Variants in MAF observed in about 807,000 individuals in gnomAD.
MAF encodes MAF bZIP transcription factor.
MAF carries 10 observed loss-of-function variants against 22.0 expected under a neutral mutation model. That is an observed-to-expected ratio of 0.45 (90% confidence interval 0.28 to 0.77). The LOEUF is 0.77. Among genes scored for constraint, MAF ranks in the 30% least tolerant of loss-of-function variants. The probability of loss-of-function intolerance (pLI) is 0.12; values close to 1 mark genes in which losing one functional copy is unlikely to be tolerated. For synonymous variants in MAF, 337 were observed against 255.8 expected, an observed-to-expected ratio of 1.32 and a Z score of -3.03; for missense variants, 544 against 548.4, an observed-to-expected ratio of 0.99 and a Z score of 0.08.
At chr16:79,450,086 C>A in the MAF span, among the ~76,000 whole-genome samples, 1 of 152,206 alleles carries the variant, frequency 6.6e-6, no homozygotes, top group African/African-American at 2.4e-5. Context: ...TATTATTAAG[C>A]AATCAATGCT....
At chr16:79,406,998 G>A in the MAF span, among the ~76,000 whole-genome samples, 1 of 152,100 alleles carries the variant, frequency 6.6e-6, no homozygotes, top group Non-Finnish European at 1.5e-5. Flanking sequence ...GTAGGCTGCC[G>A]GCGCGTCACA....
At chr16:79,469,742 G>A in the MAF span, among the ~76,000 whole-genome samples, 2 of 151,992 alleles carry the variant, frequency 1.3e-5, no homozygotes, top group African/African-American at 2.4e-5. Context: ...GATTACAGGT[G>A]CCCGCCACCT....
the MAF span, among the ~76,000 whole-genome samples, chr16:79,458,276 G>T: frequency 6.6e-6 from 1 of 151,990 alleles, no homozygotes. Flanking sequence ...TTTCTTCCTC[G>T]TGTCTCATCA....
At chr16:79,246,410 T>A in the MAF span, among the ~76,000 whole-genome samples, 2 of 152,178 alleles carry the variant, frequency 1.3e-5, no homozygotes, top group East Asian at 1.9e-4. Context: ...TCTGGCTATC[T>A]TTCTTATTTC....
At chr16:79,541,662 GTTTTTTT>G in the MAF span, among the ~76,000 whole-genome samples, 1 of 123,882 alleles carries the variant, frequency 8.1e-6, no homozygotes, top group African/African-American at 3.0e-5. Flanking sequence ...GGTTTTTTTA[GTTTTTTT>G]TTTTTTTTTT....
the MAF span, among the ~76,000 whole-genome samples, chr16:79,280,957 C>T: frequency 6.6e-6 from 1 of 152,066 alleles, no homozygotes; most frequent in Non-Finnish European, 1.5e-5. Flanking sequence ...CCACCCCCGA[C>T]CCTGAGAAAG....
the MAF span, among the ~76,000 whole-genome samples, chr16:79,259,436 G>A: frequency 2.6e-5 from 4 of 152,132 alleles, no homozygotes; most frequent in African/African-American, 9.7e-5. Flanking sequence ...GTCACAACAG[G>A]TAATTCCTTT....
At chr16:79,384,634 G>C in the MAF span, among the ~76,000 whole-genome samples, 5 of 151,882 alleles carry the variant, frequency 3.3e-5, no homozygotes, top group Non-Finnish European at 7.4e-5. Context: ...GCGGGCGCCT[G>C]TAGTCCCAGC....
At chr16:79,277,073 T>A in the MAF span, among the ~76,000 whole-genome samples, 1 of 152,212 alleles carries the variant, frequency 6.6e-6, no homozygotes, top group African/African-American at 2.4e-5. Flanking sequence ...GGTCTCACTC[T>A]GTGCCCCAGG....
chr16:79,447,573 TG>T, the MAF span, among the ~76,000 whole-genome samples: 1 of 152,176 alleles, frequency 6.6e-6, no homozygotes, highest in Admixed American at 6.5e-5. Flanking sequence ...CTGGTGGATC[TG>T]GGCAAAGTAA....
the MAF span, among the ~76,000 whole-genome samples, chr16:79,374,212 C>T: frequency 6.6e-6 from 1 of 152,168 alleles, no homozygotes; most frequent in South Asian, 2.1e-4. Context: ...AATTCTTTTT[C>T]CATCAATTAT....
chr16:79,265,132 T>C, the MAF span, among the ~76,000 whole-genome samples: 1 of 152,210 alleles, frequency 6.6e-6, no homozygotes, highest in African/African-American at 2.4e-5. Context: ...CACACATGGA[T>C]ATTGCATAAA....
At chr16:79,277,702 G>A in the MAF span, among the ~76,000 whole-genome samples, 1 of 152,146 alleles carries the variant, frequency 6.6e-6, no homozygotes, top group South Asian at 2.1e-4. Flanking sequence ...TGACCAGGAG[G>A]GAGTTACCTA....
At chr16:79,260,440 C>T in the MAF span, among the ~76,000 whole-genome samples, 1 of 138,586 alleles carries the variant, frequency 7.2e-6, no homozygotes, top group East Asian at 2.0e-4. Flanking sequence ...ATGTGAGCCA[C>T]CATGCCTGGC....
the MAF span, among the ~76,000 whole-genome samples, chr16:79,382,876 G>C: frequency 2.6e-4 from 40 of 152,328 alleles, no homozygotes; most frequent in African/African-American, 9.4e-4. Flanking sequence ...GCAGGTGACA[G>C]AATGGGAACA....
At chr16:79,528,251 G>C in the MAF span, among the ~76,000 whole-genome samples, 2 of 152,148 alleles carry the variant, frequency 1.3e-5, no homozygotes, top group African/African-American at 4.8e-5. Context: ...TAACTCCAAG[G>C]TGCCTGCAGC....
chr16:79,476,084 C>T, the MAF span, among the ~76,000 whole-genome samples: 1 of 152,152 alleles, frequency 6.6e-6, no homozygotes, highest in East Asian at 1.9e-4. Context: ...TAAGCTTCCC[C>T]GAACTCTGAG....
At chr16:79,328,514 C>T in the MAF span, among the ~76,000 whole-genome samples, 134,753 of 152,224 alleles carry the variant, frequency 0.89, 59,915 homozygotes, top group East Asian at 1. Flanking sequence ...TTTTGTCTTT[C>T]TGATTGGCTG....
At chr16:79,492,065 A>G in the MAF span, among the ~76,000 whole-genome samples, 5 of 152,166 alleles carry the variant, frequency 3.3e-5, no homozygotes, top group African/African-American at 4.8e-5. Flanking sequence ...TATTGCAAAG[A>G]TCTCTGTGAA....
Sources: gnomAD v4.1 joint callset for allele counts (sites outside exome capture counted in the v4.1 genomes callset) on GRCh38, gnomAD v4.1.1 for gene constraint, MANE v1.5 for transcripts, NCBI Gene and HGNC (gene_info 2026-07-23, HGNC 2026-07-21) for gene names.